Variants in DNAH14 observed in about 807,000 individuals in gnomAD.
DNAH14 encodes the protein axonemal beta dynein heavy chain 14.
A neutral mutation model predicts 520.9 loss-of-function variants in DNAH14; 478 were observed. The ratio of observed to expected loss-of-function variants is 0.92; its 90% confidence interval spans 0.85 to 0.99. The LOEUF is 0.99. Among genes scored for constraint, DNAH14 ranks in the 50% least tolerant of loss-of-function variants. DNAH14 has a pLI of 0.00. For synonymous variants in DNAH14, 1,581 were observed against 1,757.2 expected, an observed-to-expected ratio of 0.90 and a Z score of 2.51; for missense variants, 4,831 against 5,234.5, an observed-to-expected ratio of 0.92 and a Z score of 2.38.
In DNAH14 at chr1:225,117,989, G is replaced by A. The variant is rs113651787; in HGVS notation, c.4081G>A (p.Val1361Met). Residue 1361 changes from valine (V) to methionine (M), a missense_variant, in exon 25 of 86, where the codon GTG becomes ATG. Val to Met is a conservative substitution (Grantham distance 21, BLOSUM62 1). Transcript: ENST00000682510. ...MLISAEGEGL[V>M]LPKKIRVRSA... ...AATATCTGCTGAAGGGGAAGGTCTCGTGCTGCCAAAGTATGATAAATGTTA... is the reference window on the plus strand; with the variant it reads ...AATATCTGCTGAAGGGGAAGGTCTCATGCTGCCAAAGTATGATAAATGTTA... 1.5e-5 allele frequency: 23 copies of A among 1,545,870 alleles called. No homozygotes were observed. Among genetic ancestry groups the A allele is most frequent in the African/African-American group, 4.1e-5 (3 of 72,994 alleles).
intron 2 of DNAH14, among the ~76,000 whole-genome samples, chr1:224,954,033 AT>A (rs2060348250): frequency 6.6e-6 from 1 of 152,114 alleles, no homozygotes; most frequent in Non-Finnish European, 1.5e-5. Flanking sequence ...TGACATTTTG[AT>A]TGCTGCTCAA....
At chr1:225,077,174 T>C (rs2072398747) in intron 17 of DNAH14, among the ~76,000 whole-genome samples, 1 of 152,240 alleles carries the variant, frequency 6.6e-6, no homozygotes, top group South Asian at 2.1e-4. Context: ...ATTGAGATAA[T>C]CTTGCAGTTG....
chr1:225,028,485 A>T (rs2148077340), intron 11 of DNAH14, among the ~76,000 whole-genome samples: 1 of 152,176 alleles, frequency 6.6e-6, no homozygotes, highest in Non-Finnish European at 1.5e-5. Flanking sequence ...CTTCTCTATC[A>T]TTACAGATTT....
At chr1:225,291,751 A>G (rs998373337) in intron 55 of DNAH14, among the ~76,000 whole-genome samples, 2 of 151,736 alleles carry the variant, frequency 1.3e-5, no homozygotes, top group Non-Finnish European at 2.9e-5. Context: ...TTTTTTGTCT[A>G]TTTGATGATA....
chr1:225,051,911 G>A, intron 17 of DNAH14, 116 bp downstream of exon 17: 1 of 719,732 alleles, frequency 1.4e-6, no homozygotes, highest in Non-Finnish European at 2.1e-6. Flanking sequence ...TATGATAAAG[G>A]TGAAAAAATG....
At position 224,955,008 on chromosome 1, in the gene DNAH14, A is replaced by T. The variant is rs41267347; in HGVS notation, c.127A>T (p.Thr43Ser). 110,794 of 1,608,660 alleles carry T rather than the reference A, an allele frequency of 0.069. 4,241 individuals are homozygous for T. Among genetic ancestry groups the T allele is most frequent in the Non-Finnish European group, 0.077 (90,358 of 1,175,708 alleles). ...ATATGAAGATGTGAAACCATTAGAG[A>T]CTCAACCAGCTGAAATAGCAGAAAA... ...KKYEDVKPLE[T>S]QPAEIAEKET... The change falls in exon 3 of 86, where the codon ACT becomes TCT. Residue 43 changes from threonine (T) to serine (S), a missense_variant. Coordinates refer to ENST00000682510, the MANE Select transcript of DNAH14 (RefSeq NM_001367479.1).
At chr1:225,024,680 A>T (rs1480840269) in intron 11 of DNAH14, 3 of 152,122 alleles carry the variant, frequency 2.0e-5, no homozygotes, top group Admixed American at 6.6e-5. Context: ...CACTTACCTA[A>T]GGACTTATAA....
At chr1:225,196,963 T>C (rs1349291254) in intron 38 of DNAH14, among the ~76,000 whole-genome samples, 1 of 152,138 alleles carries the variant, frequency 6.6e-6, no homozygotes. Flanking sequence ...ATCAAATGTA[T>C]AGATTGTGAA....
At chr1:224,957,649 A>G (rs984149697) in intron 3 of DNAH14, among the ~76,000 whole-genome samples, 2 of 152,146 alleles carry the variant, frequency 1.3e-5, no homozygotes, top group Non-Finnish European at 2.9e-5. Context: ...AAAGGAAACA[A>G]CTGTATCCAA....
Position 225,051,695 on chromosome 1 carries a change from A to G in DNAH14, c.2324A>G (p.Asp775Gly). ...GGTATTTTCAACGTTGTAAGTCTTG[A>G]TTATCAATCAGAATGCTTACTGTAT... ...RIGIFNVVSL[D>G]YQSECLLYID... Residue 775 changes from aspartate (D) to glycine (G), a missense_variant, in exon 17 of 86, where the codon GAT becomes GGT. Asp to Gly is a moderately conservative substitution (Grantham distance 94, BLOSUM62 -1). Coordinates refer to ENST00000682510, the MANE Select transcript of DNAH14 (RefSeq NM_001367479.1). The G allele has an allele frequency of 6.4e-7, 1 of 1,551,300 alleles. No homozygotes were observed.
intron 41 of DNAH14, among the ~76,000 whole-genome samples, chr1:225,207,823 A>G (rs2149433609): frequency 6.6e-6 from 1 of 152,330 alleles, no homozygotes; most frequent in Middle Eastern, 3.4e-3. Context: ...TAAGATGGTT[A>G]GATCCCAACA....
intron 84 of DNAH14, among the ~76,000 whole-genome samples, chr1:225,393,571 T>C (rs183652984): frequency 2.8e-4 from 43 of 152,338 alleles, no homozygotes; most frequent in Admixed American, 2.4e-3. Flanking sequence ...CAGCTTGGTA[T>C]ATGTGGTCTG....
intron 3 of DNAH14, among the ~76,000 whole-genome samples, chr1:224,955,389 A>AT (rs893388891): frequency 1.3e-5 from 2 of 151,800 alleles, no homozygotes; most frequent in African/African-American, 4.8e-5. Flanking sequence ...ATATCATGTC[A>AT]TTTTTTTTGA....
intron 60 of DNAH14, among the ~76,000 whole-genome samples, chr1:225,318,111 A>T (rs2094497785): frequency 6.6e-6 from 1 of 152,238 alleles, no homozygotes; most frequent in African/African-American, 2.4e-5. Flanking sequence ...TGCAAAGAGA[A>T]ATCATTCCTA....
At chr1:224,948,619 T>G (rs1239707584) in intron 1 of DNAH14, among the ~76,000 whole-genome samples, 2 of 152,190 alleles carry the variant, frequency 1.3e-5, no homozygotes, top group East Asian at 3.9e-4. Flanking sequence ...TCTCTTTTGT[T>G]CTGACTCTTC....
chr1:225,360,571 G>A (rs915247181), intron 74 of DNAH14, 110 bp from the exon 75 acceptor site: 18 of 1,057,910 alleles, frequency 1.7e-5, no homozygotes, highest in African/African-American at 3.2e-5. Flanking sequence ...TAGTCTTTCC[G>A]CTATGACTAT....
chr1:225,037,248 C>T (rs570261339), intron 11 of DNAH14, among the ~76,000 whole-genome samples: 1 of 152,228 alleles, frequency 6.6e-6, no homozygotes, highest in South Asian at 2.1e-4. Flanking sequence ...CTTACTCCTG[C>T]CATTTTGTTA....
At chr1:224,961,719 A>G (rs1167102268) in intron 4 of DNAH14, among the ~76,000 whole-genome samples, 1 of 152,178 alleles carries the variant, frequency 6.6e-6, no homozygotes, top group Non-Finnish European at 1.5e-5. Flanking sequence ...TCAAGGTGAC[A>G]TTTGGGTGAG....
intron 4 of DNAH14, among the ~76,000 whole-genome samples, chr1:224,962,352 ATGCCT>A (rs2125568251): frequency 6.6e-6 from 1 of 152,312 alleles, no homozygotes; most frequent in Non-Finnish European, 1.5e-5. Flanking sequence ...TATTAGGGGC[ATGCCT>A]GACCTAATCA....
Sources: gnomAD v4.1 joint callset for allele counts (sites outside exome capture counted in the v4.1 genomes callset) on GRCh38, gnomAD v4.1.1 for gene constraint, MANE v1.5 for transcripts, NCBI Gene and HGNC (gene_info 2026-07-23, HGNC 2026-07-21) for gene names.